The following KCNIP4 variants were observed in gnomAD, a reference collection of about 807,000 sequenced individuals.
KCNIP4 encodes Kv channel-interacting protein 4.
KCNIP4 carries 12 observed loss-of-function variants against 34.0 expected under a neutral mutation model. That is an observed-to-expected ratio of 0.35 (90% CI 0.23 to 0.57). The LOEUF is 0.57. Ranked by LOEUF, KCNIP4 falls within the 20% of genes least tolerant of loss-of-function variation. KCNIP4 has a pLI of 0.83. For synonymous variants in KCNIP4, 124 were observed against 102.2 expected (o/e 1.21, Z -1.29); for missense variants, 238 against 311.7 (o/e 0.76, Z 1.78).
chr4:21,491,433 G>A (rs975284395), intron 1 of KCNIP4, among the ~76,000 whole-genome samples: 5 of 152,108 alleles, frequency 3.3e-5, no homozygotes, highest in Admixed American at 3.3e-4. Context: ...GGAGTGCAAT[G>A]GTGTGATCAT....
intron 1 of KCNIP4, among the ~76,000 whole-genome samples, chr4:21,230,675 G>A (rs1413273953): frequency 6.6e-6 from 1 of 152,124 alleles, no homozygotes; most frequent in African/African-American, 2.4e-5. Flanking sequence ...CTCCATCCAT[G>A]TCCCTGCAAA....
intron 4 of KCNIP4, chr4:20,752,842 G>T (rs1263200711): frequency 6.6e-6 from 1 of 152,168 alleles, no homozygotes; most frequent in African/African-American, 2.4e-5. Flanking sequence ...AGCATCTATG[G>T]TTCTGGTTTT....
At chr4:21,297,957 C>T (rs940878208) in intron 1 of KCNIP4, among the ~76,000 whole-genome samples, 5 of 151,978 alleles carry the variant, frequency 3.3e-5, no homozygotes, top group African/African-American at 7.2e-5. Flanking sequence ...ACAATGAATG[C>T]CTTTTGGATT....
chr4:21,840,700 C>A (rs912856328), intron 1 of KCNIP4, among the ~76,000 whole-genome samples: 1 of 152,162 alleles, frequency 6.6e-6, no homozygotes, highest in Non-Finnish European at 1.5e-5. Flanking sequence ...AATACCTTTT[C>A]ACTAAAATTT....
intron 1 of KCNIP4, among the ~76,000 whole-genome samples, chr4:21,116,886 T>A (rs1247120108): frequency 6.6e-6 from 1 of 152,250 alleles, no homozygotes; most frequent in Non-Finnish European, 1.5e-5. Flanking sequence ...TCCAGCATTA[T>A]AATTAGTCAA....
At chr4:21,658,159 T>C (rs943891161) in intron 1 of KCNIP4, among the ~76,000 whole-genome samples, 3 of 152,112 alleles carry the variant, frequency 2.0e-5, no homozygotes, top group Middle Eastern at 3.2e-3. Flanking sequence ...TTATTTAAGA[T>C]ACACAGCATA....
chr4:21,710,517 C>T (rs1379604496), intron 1 of KCNIP4, among the ~76,000 whole-genome samples: 1 of 152,210 alleles, frequency 6.6e-6, no homozygotes, highest in Non-Finnish European at 1.5e-5. Flanking sequence ...CTCTCCAATG[C>T]TCACTGCAGA....
At position 21,380,458 on chromosome 4, in the gene KCNIP4, G is replaced by GGAGA. The variant is rs1222316977; in HGVS notation, c.62-497753_62-497750dup. On this transcript the variant is annotated intron_variant, in intron 1 of 8. Transcript: ENST00000382152. The stretch of plus-strand genomic sequence containing the variant: ...GGGAGAGGGAGGGAGAGGGAGAGGG[G>GGAGA]GAGAGAGAGAGAGAGAGGGAGAGAG... 5.6e-5 allele frequency among the ~76,000 whole-genome samples: 5 copies of GGAGA among 88,628 alleles called. No homozygotes were observed. The South Asian group carries it at 1.5e-3, about 27-fold the overall frequency. The allele number at this position is 88,628 out of a possible 152,430, so 58.1% of individuals were successfully genotyped here.
chr4:20,759,646 A>AT (rs1302220483), intron 3 of KCNIP4, among the ~76,000 whole-genome samples: 4 of 151,774 alleles, frequency 2.6e-5, no homozygotes, highest in Non-Finnish European at 5.9e-5. Context: ...TTGCTAATAA[A>AT]AAAAAGAAAA....
chr4:21,370,556 A>C lies in KCNIP4; in HGVS notation c.62-487847T>G, dbSNP rs927802458. Among the ~76,000 whole-genome samples, 5 of 144,360 alleles carry C rather than the reference A, an allele frequency of 3.5e-5. 1 individual carries two copies. The highest frequency in any genetic ancestry group is 5.9e-5 in the Non-Finnish European group (4 of 67,942). 94.7% of individuals were successfully genotyped at this position (144,360 alleles called of 152,430 possible). A position where few individuals can be genotyped will look rare whatever the true frequency, so the allele number is the denominator to read the frequency against. On this transcript the variant is annotated intron_variant, in intron 1 of 8. Coordinates refer to ENST00000382152, the MANE Select transcript of KCNIP4 (RefSeq NM_025221.6). ...TGTTCTAAGTGCTATTGAGAAAAAA[A>C]AAGAAGCAGAGAAGACATCAAAGTA...
At chr4:20,984,784 T>TACC (rs1441715707) in intron 1 of KCNIP4, among the ~76,000 whole-genome samples, 1 of 152,208 alleles carries the variant, frequency 6.6e-6, no homozygotes, top group Non-Finnish European at 1.5e-5. Flanking sequence ...GGAAGGTGTG[T>TACC]ACCACCATCG....
At chr4:21,853,046 T>C (rs1247975732) in intron 1 of KCNIP4, 1 of 152,156 alleles carries the variant, frequency 6.6e-6, no homozygotes, top group African/African-American at 2.4e-5. Flanking sequence ...AAAACATTCT[T>C]TCAAGGACAG....
chr4:21,738,120 T>C (rs1716128264), intron 1 of KCNIP4, among the ~76,000 whole-genome samples: 1 of 130,130 alleles, frequency 7.7e-6, no homozygotes, highest in African/African-American at 3.5e-5. Context: ...AATAAATAAA[T>C]AAATAAATAA....
At position 21,291,939 on chromosome 4, in the gene KCNIP4, A is replaced by G. The variant is rs577006304; in HGVS notation, c.62-409230T>C. Among the ~76,000 whole-genome samples the G allele has an allele frequency of 2.4e-4, 23 of 95,080 alleles. 1 individual carries two copies. Among genetic ancestry groups the G allele is most frequent in the East Asian group, 1.0e-3 (4 of 3,814 alleles). The allele number at this position is 95,080 out of a possible 152,430, so 62.4% of individuals were successfully genotyped here. ...AGAAAGAAAGAAAGAAAGAAAGAAA[A>G]AAAAAGAAAAAAGTCTGATGAATAA... On this transcript the variant is annotated intron_variant, in intron 1 of 8. Coordinates refer to ENST00000382152, the MANE Select transcript of KCNIP4 (RefSeq NM_025221.6).
chr4:21,134,067 A>G (rs1333321507), intron 1 of KCNIP4, among the ~76,000 whole-genome samples: 1 of 152,184 alleles, frequency 6.6e-6, no homozygotes, highest in Non-Finnish European at 1.5e-5. Flanking sequence ...ATCTAACTTG[A>G]GTTCTCAAAA....
chr4:21,336,219 C>T (rs978217884), intron 1 of KCNIP4, among the ~76,000 whole-genome samples: 7 of 151,932 alleles, frequency 4.6e-5, no homozygotes, highest in African/African-American at 1.5e-4. Flanking sequence ...TAATAAACCA[C>T]AATTATTTAT....
intron 1 of KCNIP4, among the ~76,000 whole-genome samples, chr4:21,112,079 T>C (rs1749264324): frequency 7.8e-6 from 1 of 128,566 alleles, no homozygotes; most frequent in Non-Finnish European, 1.6e-5. Flanking sequence ...CTATCATCTA[T>C]ATCATCTATC....
chr4:21,440,643 T>TATTAAC (rs1727388690), intron 1 of KCNIP4, among the ~76,000 whole-genome samples: 2 of 150,218 alleles, frequency 1.3e-5, no homozygotes, highest in South Asian at 2.1e-4. Flanking sequence ...AATTACTCTG[T>TATTAAC]ATTAACACAT....
chr4:20,900,800 T>TCTTTTTC (rs1480723884), intron 1 of KCNIP4, among the ~76,000 whole-genome samples: 1 of 149,792 alleles, frequency 6.7e-6, no homozygotes, highest in African/African-American at 2.5e-5. Flanking sequence ...CACTCACAGA[T>TCTTTTTC]CATAAAAAGA....
Sources: allele counts gnomAD v4.1 joint callset (sites outside exome capture counted in the v4.1 genomes callset), GRCh38; gene constraint gnomAD v4.1.1; transcripts MANE v1.5; gene names NCBI Gene and HGNC (gene_info 2026-07-23, HGNC 2026-07-21).